MASTL: variants seen among roughly 807,000 people sequenced by gnomAD.
The protein encoded by MASTL is microtubule associated serine/threonine kinase like.
A neutral mutation model predicts 82.5 loss-of-function variants in MASTL; 54 were observed. The ratio of observed to expected loss-of-function variants is 0.65; its 90% CI spans 0.53 to 0.82. MASTL has a LOEUF of 0.82. Ranked by LOEUF, MASTL falls within the 40% of genes least tolerant of loss-of-function variation. MASTL has a pLI of 0.00. For synonymous variants in MASTL, 323 were observed against 368.9 expected, an observed-to-expected ratio of 0.88 and a Z score of 1.43; for missense variants, 950 against 1,047.8, an observed-to-expected ratio of 0.91 and a Z score of 1.29.
At chr10:27,155,296 G>A (rs2057314068), upstream of MASTL, 7 of 883,124 alleles carry the variant, frequency 7.9e-6, no homozygotes, top group East Asian at 1.1e-4. Flanking sequence ...AGGTGACGAG[G>A]GCGGGGCGCG....
upstream of MASTL, chr10:27,155,226 G>C (rs1373711139): frequency 1.1e-5 from 7 of 609,448 alleles, no homozygotes; most frequent in East Asian, 1.7e-4. Context: ...CCCACGAAGA[G>C]TGTAAGGCTG....
At chr10:27,169,456 G>A (rs2057846201) in intron 7 of MASTL, among the ~76,000 whole-genome samples, 1 of 151,832 alleles carries the variant, frequency 6.6e-6, no homozygotes, top group African/African-American at 2.4e-5. Flanking sequence ...TGTAATCCCA[G>A]CTACTTGGGA....
rs770275962 is a variant in MASTL at position 27,165,519 on chromosome 10, C to T, written c.791C>T (p.Ser264Phe). The stretch of plus-strand genomic sequence containing the variant: ...GATCAAAAGGACACTACGCCTTATT[C>T]TAGCAAATTACTAAAATCATGTGAG... ...SVDQKDTTPYSSKLLKSCLET... is the reference protein window; with the variant it reads ...SVDQKDTTPYFSKLLKSCLET... Residue 264 changes from serine (S) to phenylalanine (F), a missense_variant, in exon 6 of 12, where the codon TCT becomes TTT. Physicochemically the swap from Ser to Phe is radical, Grantham distance 155 (BLOSUM62 -2). Coordinates refer to ENST00000375940, the MANE Select transcript of MASTL (RefSeq NM_001172303.3). The T allele has an allele frequency of 8.1e-6, 13 of 1,614,128 alleles. No individual in the cohort carries two copies.
At chr10:27,162,541 C>T (rs2057605227) in intron 4 of MASTL, among the ~76,000 whole-genome samples, 1 of 151,990 alleles carries the variant, frequency 6.6e-6, no homozygotes, top group Non-Finnish European at 1.5e-5. Context: ...TGGTGGCACA[C>T]GCCTGTAGTC....
Position 27,158,538 on chromosome 10 carries a change from A to G in MASTL, c.187-11A>G. The G allele has an allele frequency of 6.4e-7, 1 of 1,572,666 alleles. No individual in the cohort carries two copies. Among genetic ancestry groups the G allele is most frequent in the Non-Finnish European group, 8.8e-7 (1 of 1,142,494 alleles). On this transcript the variant is annotated splice_polypyrimidine_tract_variant and intron_variant, in intron 1 of 11. Coordinates refer to ENST00000375940, the MANE Select transcript of MASTL (RefSeq NM_001172303.3). ...AATAACATGATATCACTTTTATTTT[A>G]TCTATTACAGGTTGTTAAAAAAGCA...
chr10:27,162,363 G>T (rs1385582858), intron 4 of MASTL, among the ~76,000 whole-genome samples: 1 of 152,118 alleles, frequency 6.6e-6, no homozygotes, highest in Non-Finnish European at 1.5e-5. Context: ...TATCAACTTA[G>T]AAACATATTG....
At chr10:27,156,283 C>T (rs2135942010) in intron 1 of MASTL, among the ~76,000 whole-genome samples, 1 of 152,318 alleles carries the variant, frequency 6.6e-6, no homozygotes, top group South Asian at 2.1e-4. Context: ...CTCGGCCTCC[C>T]AAAGTGCTGG....
At chr10:27,155,273 G>C (rs540017262), upstream of MASTL, 1 of 726,544 alleles carries the variant, frequency 1.4e-6, no homozygotes. Context: ...CTCCGTCCGC[G>C]TCTGCGTAGG....
At chr10:27,160,643 C>T (rs2057539439) in intron 3 of MASTL, among the ~76,000 whole-genome samples, 1 of 151,160 alleles carries the variant, frequency 6.6e-6, no homozygotes, top group Non-Finnish European at 1.5e-5. Context: ...CCCAGCTACT[C>T]GGGAGGCTGA....
rs1267233537 is a variant in MASTL at position 27,186,750 on chromosome 10, A to G, written c.*214A>G. 1.8e-6 allele frequency: 1 copy of G among 566,702 alleles called. No homozygotes were observed. The highest frequency in any genetic ancestry group is 3.1e-6 in the Non-Finnish European group (1 of 319,610). 35.1% of individuals were successfully genotyped at this position (566,702 alleles called of 1,614,324 possible). Reference sequence around the variant, plus strand: ...ACCTCAAAACTGTATATAAATCTTCAAAGCTTTTTTCATTTATTTATTTTG... The same window carrying G: ...ACCTCAAAACTGTATATAAATCTTCGAAGCTTTTTTCATTTATTTATTTTG... On this transcript the variant is annotated 3_prime_UTR_variant, in exon 12 of 12. Coordinates refer to ENST00000375940, the MANE Select transcript of MASTL (RefSeq NM_001172303.3).
At chr10:27,183,212 A>G (rs1413493674) in intron 11 of MASTL, among the ~76,000 whole-genome samples, 3 of 152,164 alleles carry the variant, frequency 2.0e-5, no homozygotes, top group South Asian at 4.1e-4. Flanking sequence ...ATGCAGGAGT[A>G]TATTAAGCCC....
rs1431793003 is a variant in MASTL, at chr10:27,159,878, G to A, written c.464+120G>A. 1.2e-6 allele frequency: 1 copy of A among 836,088 alleles called. No individual in the cohort carries two copies. Among genetic ancestry groups the A allele is most frequent in the African/African-American group, 1.7e-5 (1 of 59,482 alleles). 51.8% of individuals were successfully genotyped at this position (836,088 alleles called of 1,614,324 possible). On this transcript the variant is annotated intron_variant, in intron 3 of 11. Coordinates refer to ENST00000375940, the MANE Select transcript of MASTL (RefSeq NM_001172303.3). This position sits in a 1 kb window ranked among gnomAD's most constrained non-coding sequence, Gnocchi z 4.0. ...TTTCCAGGTTATCTAAAGTTTACTA[G>A]TAACTTGTATTCATTTAGAAATTAA... is the stretch of plus-strand genomic sequence containing the variant.
At position 27,169,988 on chromosome 10, in the gene MASTL, A is replaced by G. The variant is rs200992451; in HGVS notation, c.1029A>G (p.Ala343=). 1 of 1,614,178 alleles carries G rather than the reference A, an allele frequency of 6.2e-7. No homozygotes were observed. Among genetic ancestry groups the G allele is most frequent in the East Asian group, 2.2e-5 (1 of 44,884 alleles). ...ALGPTMMSWN[A]VEKLCAKSAN... ...GCCCAACAATGATGAGTTGGAATGCAGTTGAAAAGTTATGCGCAAAATCTG... is the reference window on the plus strand; with the variant it reads ...GCCCAACAATGATGAGTTGGAATGCGGTTGAAAAGTTATGCGCAAAATCTG... Residue 343 remains alanine, a synonymous_variant, in exon 8 of 12, where the codon GCA becomes GCG. Transcript: ENST00000375940.
intron 9 of MASTL, among the ~76,000 whole-genome samples, chr10:27,174,345 A>T (rs2058037424): frequency 6.6e-6 from 1 of 151,746 alleles, no homozygotes; most frequent in Non-Finnish European, 1.5e-5. Flanking sequence ...ACAGAGCAAG[A>T]CTCTGTCTAA....
chr10:27,173,195 T>C lies in MASTL; in HGVS notation c.2202T>C (p.Asp734=). The change falls in exon 9 of 12, where the codon GAT becomes GAC. Residue 734 remains aspartate (D), a synonymous_variant. Coordinates refer to ENST00000375940, the MANE Select transcript of MASTL (RefSeq NM_001172303.3). The part of the protein sequence containing the change: ...KSVRRGVAPV[D]DGRILGTPDY... The stretch of plus-strand genomic sequence containing the variant: ...TGAGAAGAGGGGTGGCCCCCGTTGA[T>C]GATGGGCGAATTCTAGGAACCCCAG... The C allele has an allele frequency of 6.2e-7, 1 of 1,614,180 alleles. No homozygotes were observed. The highest frequency in any genetic ancestry group is 8.5e-7 in the Non-Finnish European group (1 of 1,180,020).
At chr10:27,164,060 C>A (rs1307457115) in intron 4 of MASTL, among the ~76,000 whole-genome samples, 1 of 151,634 alleles carries the variant, frequency 6.6e-6, no homozygotes, top group East Asian at 2.0e-4. Context: ...TGTCCCTCAG[C>A]CTTCCGAGTA....
chr10:27,185,919 G>A (rs1185610947), intron 11 of MASTL, among the ~76,000 whole-genome samples: 2 of 151,156 alleles, frequency 1.3e-5, no homozygotes, highest in South Asian at 2.1e-4. Context: ...GCGAAACCCC[G>A]TCTCTACTAA....
chr10:27,162,562 A>T (rs1204180622), intron 4 of MASTL, among the ~76,000 whole-genome samples: 4 of 152,100 alleles, frequency 2.6e-5, no homozygotes, highest in Non-Finnish European at 4.4e-5. Flanking sequence ...CCAGCTACTT[A>T]GTAGGCTGAG....
At chr10:27,177,773 T>C (rs1176134656) in intron 9 of MASTL, 2 of 901,626 alleles carry the variant, frequency 2.2e-6, no homozygotes, top group Non-Finnish European at 2.7e-6. Flanking sequence ...TAATACAGTG[T>C]ACCTAACTAC....
Sources: allele counts gnomAD v4.1 joint callset (sites outside exome capture counted in the v4.1 genomes callset), GRCh38; gene constraint gnomAD v4.1.1; non-coding constraint Gnocchi (gnomAD v3.1); transcripts MANE v1.5; gene names NCBI Gene and HGNC (gene_info 2026-07-23, HGNC 2026-07-21).